The following KALRN variants were observed in gnomAD, a reference collection of about 807,000 sequenced individuals.
KALRN encodes the protein kalirin RhoGEF kinase.
A neutral mutation model predicts 353.7 loss-of-function variants in KALRN; 70 were observed. The observed-to-expected ratio is 0.20, with a 90% CI of 0.16 to 0.24. KALRN has a LOEUF of 0.24. Ranked by LOEUF, KALRN falls within the 10% of genes least tolerant of loss-of-function variation. The pLI is 1.00. For synonymous variants in KALRN, 1,391 were observed against 1,434.8 expected (o/e 0.97, Z 0.69); for missense variants, 2,791 against 3,756.7 (o/e 0.74, Z 6.72).
At chr3:124,555,414 AAAATAAATAAATAAAT>A (rs199686367) in intron 33 of KALRN, among the ~76,000 whole-genome samples, 2,369 of 137,168 alleles carry the variant, frequency 0.017, 71 homozygotes, top group African/African-American at 0.059. Flanking sequence ...ACTCTGTCCC[AAAATAAATAAATAAAT>A]AAATAAATAA....
chr3:124,491,463 G>T, intron 31 of KALRN, 39 bp downstream of exon 31: 2 of 1,457,854 alleles, frequency 1.4e-6, no homozygotes, highest in Non-Finnish European at 9.3e-7. Flanking sequence ...CTAGGGTTGG[G>T]GATAATAGAA....
intron 34 of KALRN, among the ~76,000 whole-genome samples, chr3:124,615,112 AG>A (rs2149601620): frequency 6.6e-6 from 1 of 152,366 alleles, no homozygotes; most frequent in South Asian, 2.1e-4. Flanking sequence ...CTGGTGGATT[AG>A]AACACTGTCC....
At chr3:124,157,319 G>A (rs552161535) in intron 1 of KALRN, among the ~76,000 whole-genome samples, 20 of 152,296 alleles carry the variant, frequency 1.3e-4, no homozygotes, top group African/African-American at 4.6e-4. Context: ...CTCTTTGTTC[G>A]TGTAGACAGG....
intron 58 of KALRN, among the ~76,000 whole-genome samples, chr3:124,715,922 C>A (rs953574485): frequency 2.0e-5 from 3 of 152,158 alleles, no homozygotes; most frequent in Non-Finnish European, 4.4e-5. Flanking sequence ...TCACTCCATC[C>A]TTGCACAATC....
At chr3:124,341,752 T>C (rs114750038) in intron 9 of KALRN, among the ~76,000 whole-genome samples, 2,138 of 152,216 alleles carry the variant, frequency 0.014, 49 homozygotes, top group African/African-American at 0.049. Flanking sequence ...TGGAGTCTAG[T>C]GTGAGAGACA....
rs114669460 is a variant in KALRN, at chr3:124,446,501, T to A, written c.3429+225T>A. Among the ~76,000 whole-genome samples, 1,360 of 152,344 alleles carry A rather than the reference T, an allele frequency of 8.9e-3. 13 individuals carry two copies. Among genetic ancestry groups the A allele is most frequent in the African/African-American group, 0.031 (1,289 of 41,564 alleles). The stretch of plus-strand genomic sequence containing the variant: ...TGAGGAAATGCTAGGTCACCCACTA[T>A]GCCCCTAATTCGTGGATGATATTAG... On this transcript the variant is annotated intron_variant, in intron 20 of 59. Transcript: ENST00000682506.
At chr3:124,379,090 T>A (rs184126139) in intron 10 of KALRN, among the ~76,000 whole-genome samples, 282 of 152,270 alleles carry the variant, frequency 1.9e-3, no homozygotes, top group African/African-American at 6.2e-3. Flanking sequence ...GCTTTATTTT[T>A]AAAATTAATT....
In KALRN at chr3:124,384,958, C is replaced by T. The variant is rs779697643; in HGVS notation, c.1884C>T (p.Ile628=). The change falls in exon 11 of 60, where the codon ATC becomes ATT. Residue 628 remains isoleucine, a synonymous_variant. Coordinates refer to ENST00000682506, the MANE Select transcript of KALRN (RefSeq NM_001388419.1). The part of the protein sequence containing the change: ...YKAARHLEVR[I]QDFVRRVEQR... ...CAGCTCGACACCTGGAGGTGCGCATCCAAGACTTCGTGCGCAGGGTGGAGC... is the reference window on the plus strand; with the variant it reads ...CAGCTCGACACCTGGAGGTGCGCATTCAAGACTTCGTGCGCAGGGTGGAGC... 33 of 1,614,072 alleles carry T rather than the reference C, an allele frequency of 2.0e-5. No homozygotes were observed. In the Middle Eastern group the frequency reaches 8.2e-4, roughly 40 times the overall value.
intron 10 of KALRN, among the ~76,000 whole-genome samples, chr3:124,361,628 G>A (rs1020514621): frequency 9.2e-5 from 14 of 152,224 alleles, no homozygotes; most frequent in Admixed American, 7.9e-4. Flanking sequence ...ACAGAGGGCT[G>A]GGTCTAAGCC....
intron 34 of KALRN, among the ~76,000 whole-genome samples, chr3:124,631,756 C>T (rs1377285412): frequency 6.6e-6 from 1 of 152,224 alleles, no homozygotes; most frequent in Non-Finnish European, 1.5e-5. Context: ...CAGAATCTTC[C>T]AGTGGGTTTT....
intron 3 of KALRN, among the ~76,000 whole-genome samples, chr3:124,263,639 T>C (rs1397673180): frequency 2.0e-5 from 3 of 152,080 alleles, no homozygotes; most frequent in African/African-American, 7.2e-5. Flanking sequence ...AAGTAATACA[T>C]CTTAAATACA....
intron 34 of KALRN, among the ~76,000 whole-genome samples, chr3:124,596,770 G>A (rs1023632985): frequency 3.3e-5 from 5 of 152,050 alleles, no homozygotes; most frequent in East Asian, 3.9e-4. Flanking sequence ...ACATAGGGTC[G>A]GGCACGGTGG....
chr3:124,043,655 G>A (rs554056313), intron 1 of KALRN, among the ~76,000 whole-genome samples: 6 of 152,256 alleles, frequency 3.9e-5, no homozygotes, highest in Admixed American at 3.9e-4. Flanking sequence ...GCTTGGGGAG[G>A]GTAGTACAAG....
chr3:124,380,727 A>G (rs549434081), intron 10 of KALRN, among the ~76,000 whole-genome samples: 4 of 152,324 alleles, frequency 2.6e-5, no homozygotes, highest in Non-Finnish European at 5.9e-5. Context: ...CCTTGCCCCA[A>G]TTTGGGGGTA....
At chr3:124,382,316 C>G (rs111673600) in intron 10 of KALRN, among the ~76,000 whole-genome samples, 1 of 152,120 alleles carries the variant, frequency 6.6e-6, no homozygotes, top group African/African-American at 2.4e-5. Flanking sequence ...GAAATTTTAA[C>G]CCCTAATTAT....
intron 19 of KALRN, 28 bp from the exon 20 acceptor site, chr3:124,446,133 G>T (rs1289293571): frequency 2.0e-6 from 3 of 1,522,820 alleles, no homozygotes; most frequent in South Asian, 2.3e-5. Context: ...AGCCCCTTGT[G>T]ACCATCATGC....
At chr3:124,533,494 A>T (rs1481872212) in intron 33 of KALRN, among the ~76,000 whole-genome samples, 2 of 152,186 alleles carry the variant, frequency 1.3e-5, no homozygotes, top group African/African-American at 4.8e-5. Context: ...AATACAAAAA[A>T]ATTAGCCTGG....
chr3:124,160,503 G>A (rs2069750533), intron 1 of KALRN, among the ~76,000 whole-genome samples: 2 of 152,142 alleles, frequency 1.3e-5, no homozygotes, highest in African/African-American at 4.8e-5. Context: ...AGTGAAAAGA[G>A]AAGAGAAGGA....
At chr3:124,276,946 CAT>C (rs1388945566) in intron 5 of KALRN, among the ~76,000 whole-genome samples, 4 of 152,252 alleles carry the variant, frequency 2.6e-5, no homozygotes, top group South Asian at 4.2e-4. Context: ...CGCACGCACA[CAT>C]GTGCGCATGC....
Sources: allele counts gnomAD v4.1 joint callset (sites outside exome capture counted in the v4.1 genomes callset), GRCh38; gene constraint gnomAD v4.1.1; transcripts MANE v1.5; gene names NCBI Gene and HGNC (gene_info 2026-07-23, HGNC 2026-07-21).